GLI4: variants seen among roughly 807,000 people sequenced by gnomAD.
GLI4 encodes the protein GLI family zinc finger 4.
In GLI4, 34 loss-of-function variants were observed where a neutral mutation model predicts 30.9. The observed-to-expected ratio is 1.10, with a 90% CI of 0.84 to 1.47. GLI4 has a LOEUF of 1.47. Ranked by LOEUF, GLI4 falls within the 40% of genes most tolerant of loss-of-function variation. The pLI, the probability that GLI4 is intolerant of heterozygous loss-of-function variation, is 0.00. For synonymous variants in GLI4, 277 were observed against 236.7 expected (o/e 1.17, Z -1.56); for missense variants, 696 against 538.9 (o/e 1.29, Z -2.89).
chr8:143,273,122 C>A, intron 2 of GLI4: 1 of 152,468 alleles, frequency 6.6e-6, no homozygotes, highest in Non-Finnish European at 1.5e-5. Flanking sequence ...GGTGTCCCAG[C>A]GCAGGGCAAA....
Position 143,276,720 on chromosome 8 carries a change from G to T in GLI4, c.1047G>T (p.Lys349Asn), listed in dbSNP as rs1301725245. Reference protein sequence around the residue: ...FRHLRTHTGEKPFACGACGKA... With the variant: ...FRHLRTHTGENPFACGACGKA... ...ACCTGCGGACCCACACGGGCGAGAAGCCCTTCGCGTGTGGCGCCTGCGGCA... is the reference window on the plus strand; with the variant it reads ...ACCTGCGGACCCACACGGGCGAGAATCCCTTCGCGTGTGGCGCCTGCGGCA... Residue 349 changes from lysine (K) to asparagine (N), a missense_variant, in exon 4 of 4, where the codon AAG becomes AAT. Lys to Asn is a moderately conservative substitution (Grantham distance 94). Coordinates refer to ENST00000340042, the MANE Select transcript of GLI4 (RefSeq NM_138465.4). 1 of 1,610,526 alleles carries T rather than the reference G, an allele frequency of 6.2e-7. No homozygotes were observed. Among genetic ancestry groups the T allele is most frequent in the Admixed American group, 1.7e-5 (1 of 59,788 alleles).
rs773386905 is a variant in GLI4 at position 143,276,642 on chromosome 8, C to A, written c.969C>A (p.Tyr323Ter). 6.2e-7 allele frequency: 1 copy of A among 1,612,452 alleles called. No homozygotes were observed. The highest frequency in any genetic ancestry group is 8.5e-7 in the Non-Finnish European group (1 of 1,179,732). Reference sequence around the variant, plus strand: ...GCATCCACACTGGCGAGAAGCCCTACGAGTGCTCCGACTGCGGCAAAGCCT... The same window carrying A: ...GCATCCACACTGGCGAGAAGCCCTAAGAGTGCTCCGACTGCGGCAAAGCCT... ...HQRIHTGEKP[Y>*]ECSDCGKAFR... The change falls in exon 4 of 4, where the codon TAC (tyrosine) becomes TAA (stop). Residue 323 changes from tyrosine (Y) to a stop codon, truncating the protein, a stop_gained. Transcript: ENST00000340042. LOFTEE classifies it high-confidence loss of function.
chr8:143,275,123 T>TTG (rs1815355669), intron 3 of GLI4: 9 of 1,535,734 alleles, frequency 5.9e-6, no homozygotes, highest in Non-Finnish European at 7.8e-6. Context: ...CTGGGGCTTC[T>TTG]GGCTCAGGGC....
Position 143,276,635 on chromosome 8 carries a change from A to C in GLI4, c.962A>C (p.Lys321Thr). 6.2e-7 allele frequency: 1 copy of C among 1,612,552 alleles called. No individual in the cohort carries two copies. The highest frequency in any genetic ancestry group is 8.5e-7 in the Non-Finnish European group (1 of 1,179,748). ...IEHQRIHTGEKPYECSDCGKA... is the reference protein window; with the variant it reads ...IEHQRIHTGETPYECSDCGKA... ...CACCAGCGCATCCACACTGGCGAGA[A>C]GCCCTACGAGTGCTCCGACTGCGGC... The change falls in exon 4 of 4, where the codon AAG becomes ACG. Residue 321 changes from lysine (K) to threonine (T), a missense_variant. Transcript: ENST00000340042.
intron 2 of GLI4, among the ~76,000 whole-genome samples, chr8:143,273,963 CA>C (rs140007541): frequency 0.021 from 3,219 of 152,316 alleles, 114 homozygotes; most frequent in African/African-American, 0.073. Context: ...GAGAGCTGAC[CA>C]CTGGCCTCGG....
rs59016487 is a variant in GLI4 at position 143,275,442 on chromosome 8, A to G, written c.224-455A>G. On this transcript the variant is annotated intron_variant, in intron 3 of 3. Coordinates refer to ENST00000340042, the MANE Select transcript of GLI4 (RefSeq NM_138465.4). Reference sequence around the variant, plus strand: ...GTGGGCATGGGAGCTGGGCGGCAGCACACTTGCCACCGAGGCCTGGGGCAG... The same window carrying G: ...GTGGGCATGGGAGCTGGGCGGCAGCGCACTTGCCACCGAGGCCTGGGGCAG... The G allele has an allele frequency of 6.3e-3, 8,652 of 1,362,766 alleles. 475 individuals carry two copies. In the African/African-American group the frequency reaches 0.11, roughly 18 times the overall value. 84.4% of individuals were successfully genotyped at this position (1,362,766 alleles called of 1,614,324 possible).
intron 2 of GLI4, 99 bp downstream of exon 2, chr8:143,269,619 A>G: frequency 1.0e-6 from 1 of 984,666 alleles, no homozygotes; most frequent in Admixed American, 1.8e-5. Context: ...CTGACTTGAG[A>G]GGCGCCTCCA....
intron 2 of GLI4, among the ~76,000 whole-genome samples, chr8:143,271,506 C>T (rs979247981): frequency 6.6e-6 from 1 of 152,222 alleles, no homozygotes; most frequent in Non-Finnish European, 1.5e-5. Flanking sequence ...GATTCCTAAG[C>T]AGGGGAGACC....
Position 143,267,484 on chromosome 8 carries a change from G to A in GLI4, c.-38G>A, listed in dbSNP as rs1016155725. On this transcript the variant is annotated splice_region_variant and 5_prime_UTR_variant, in exon 1 of 4. Transcript: ENST00000340042. The stretch of plus-strand genomic sequence containing the variant: ...CGCGGCGTCCTCCTCCCGCTCGGAA[G>A]GTGAGTGGGCGCGGGCGGCGGCGGC... 3 of 986,070 alleles carry A rather than the reference G, an allele frequency of 3.0e-6. No individual in the cohort carries two copies. Among genetic ancestry groups the A allele is most frequent in the Non-Finnish European group, 2.4e-6 (2 of 830,534 alleles). The allele number at this position is 986,070 out of a possible 1,614,324, so 61.1% of individuals were successfully genotyped here.
At chr8:143,268,739 T>G (rs1815196040) in intron 1 of GLI4, among the ~76,000 whole-genome samples, 1 of 152,182 alleles carries the variant, frequency 6.6e-6, no homozygotes, top group Non-Finnish European at 1.5e-5. Context: ...TGCCAGAGCC[T>G]CTGCTGGGAC....
rs769201509 is a variant in GLI4 at position 143,274,762 on chromosome 8, C to T, written c.183C>T (p.Asp61=). The part of the protein sequence containing the change: ...LSQPSDLDLQ[D]VEEVEIGRDT... ...AGCCGTCCGACCTGGATCTCCAAGA[C>T]GTAGAGGAAGTGGAGATCGGCAGAG... is the stretch of plus-strand genomic sequence containing the variant. Residue 61 remains aspartate (D), a synonymous_variant, in exon 3 of 4, where the codon GAC becomes GAT. Coordinates refer to ENST00000340042, the MANE Select transcript of GLI4 (RefSeq NM_138465.4). 1.2e-5 allele frequency: 19 copies of T among 1,571,562 alleles called. No individual in the cohort carries two copies. In the Admixed American group the frequency reaches 1.2e-4, roughly 10 times the overall value.
In GLI4 at chr8:143,272,849, G is replaced by A. The variant is rs114920323; in HGVS notation, c.125-1855G>A. Reference sequence around the variant, plus strand: ...TGCACAGGGCAGTTCCCAGGGAGCTGGGGGCCATCCTGAGTCGGCTTGTTC... The same window carrying A: ...TGCACAGGGCAGTTCCCAGGGAGCTAGGGGCCATCCTGAGTCGGCTTGTTC... On this transcript the variant is annotated intron_variant, in intron 2 of 3. Coordinates refer to ENST00000340042, the MANE Select transcript of GLI4 (RefSeq NM_138465.4). Among the ~76,000 whole-genome samples the A allele has an allele frequency of 7.2e-3, 1,103 of 152,274 alleles. 9 individuals carry two copies. Among genetic ancestry groups the A allele is most frequent in the African/African-American group, 0.022 (928 of 41,554 alleles).
rs975665498 is a variant in GLI4, at chr8:143,269,278, G to A, written c.-37-82G>A. Reference sequence around the variant, plus strand: ...ATAAACCTCCATCTCCCCTTGGAGAGCTGGCATGTTGCCTCCTCCTGCACC... The same window carrying A: ...ATAAACCTCCATCTCCCCTTGGAGAACTGGCATGTTGCCTCCTCCTGCACC... On this transcript the variant is annotated intron_variant, in intron 1 of 3. Transcript: ENST00000340042. 5 of 997,874 alleles carry A rather than the reference G, an allele frequency of 5.0e-6. No individual in the cohort carries two copies. In the African/African-American group the frequency reaches 6.4e-5, roughly 13 times the overall value. The allele number at this position is 997,874 out of a possible 1,614,324, so 61.8% of individuals were successfully genotyped here.
At chr8:143,275,157 A>C in intron 3 of GLI4, 1 of 1,535,634 alleles carries the variant, frequency 6.5e-7, no homozygotes, top group East Asian at 2.4e-5. Flanking sequence ...CAGATCCACG[A>C]GTTATCCTGT....
At chr8:143,267,785 A>T in intron 1 of GLI4, 4 of 985,300 alleles carry the variant, frequency 4.1e-6, no homozygotes, top group African/African-American at 1.7e-5. Flanking sequence ...TGCAGATGGG[A>T]AACTGAGGCC....
In GLI4 at chr8:143,269,372, A is replaced by T. The variant is rs1255773784; in HGVS notation, c.-25A>T. The T allele has an allele frequency of 6.2e-7, 1 of 1,607,368 alleles. No individual in the cohort carries two copies. Among genetic ancestry groups the T allele is most frequent in the Non-Finnish European group, 8.5e-7 (1 of 1,176,386 alleles). On this transcript the variant is annotated 5_prime_UTR_variant, in exon 2 of 4. Coordinates refer to ENST00000340042, the MANE Select transcript of GLI4 (RefSeq NM_138465.4). ...TCATTTTCCCCAGGTCCCAGGTGTG[A>T]CACCTTCAGCAGGTCTCAGGGAAGA...
chr8:143,274,635 G>A (rs1815343587), intron 2 of GLI4, 69 bp from the exon 3 acceptor site: 1 of 1,460,284 alleles, frequency 6.8e-7, no homozygotes, highest in African/African-American at 1.4e-5. Context: ...GGGAGCACGT[G>A]GCGGTCAGAG....
intron 2 of GLI4, among the ~76,000 whole-genome samples, chr8:143,272,890 A>T (rs1433269913): frequency 1.3e-5 from 2 of 152,098 alleles, no homozygotes; most frequent in African/African-American, 4.8e-5. Flanking sequence ...CAGGGTAGAG[A>T]CGGTGCACAC....
Position 143,276,647 on chromosome 8 carries a change from G to C in GLI4, c.974G>C (p.Cys325Ser). ...RIHTGEKPYE[C>S]SDCGKAFRGR... ...CACACTGGCGAGAAGCCCTACGAGT[G>C]CTCCGACTGCGGCAAAGCCTTCCGC... The change falls in exon 4 of 4, where the codon TGC becomes TCC. Residue 325 changes from cysteine to serine, a missense_variant. Cys to Ser is a moderately radical substitution (Grantham distance 112). Coordinates refer to ENST00000340042, the MANE Select transcript of GLI4 (RefSeq NM_138465.4). 6.2e-7 allele frequency: 1 copy of C among 1,612,336 alleles called. No individual in the cohort carries two copies. Among genetic ancestry groups the C allele is most frequent in the Non-Finnish European group, 8.5e-7 (1 of 1,179,694 alleles).
Sources: gnomAD v4.1 joint callset for allele counts (sites outside exome capture counted in the v4.1 genomes callset) on GRCh38, gnomAD v4.1.1 for gene constraint, MANE v1.5 for transcripts, NCBI Gene and HGNC (gene_info 2026-07-23, HGNC 2026-07-21) for gene names.